SMARCA2: variants seen among roughly 807,000 people sequenced by gnomAD.
SMARCA2 encodes the protein SWI/SNF-related matrix-associated actin-dependent regulator of chromatin subfamily A member 2.
Under a neutral mutation model 199.8 loss-of-function variants are expected in SMARCA2, and 61 were observed. The observed-to-expected ratio is 0.31, with a 90% CI of 0.25 to 0.38. SMARCA2 has a LOEUF of 0.38. Ranked by LOEUF, SMARCA2 falls within the 10% of genes least tolerant of loss-of-function variation. The pLI is 1.00. For missense variants in SMARCA2, 1,344 were observed against 2,012.2 expected (o/e 0.67, Z 6.35); for synonymous variants, 935 against 732.0 (o/e 1.28, Z -4.48).
chr9:2,035,041 T>C (rs1394753762), intron 3 of SMARCA2, among the ~76,000 whole-genome samples: 1 of 150,746 alleles, frequency 6.6e-6, no homozygotes, highest in African/African-American at 2.4e-5. Flanking sequence ...TATTTATTTA[T>C]TTATTTATTT....
At chr9:2,191,463 G>A (rs1479788598) in intron 33 of SMARCA2, 55 bp downstream of exon 33, 6 of 1,593,954 alleles carry the variant, frequency 3.8e-6, no homozygotes, top group East Asian at 2.2e-5. Context: ...CTGCTTGCTG[G>A]CCTCTTGCAT....
intron 27 of SMARCA2, among the ~76,000 whole-genome samples, chr9:2,142,535 G>A (rs765324331): frequency 5.9e-5 from 9 of 152,056 alleles, no homozygotes; most frequent in Non-Finnish European, 1.3e-4. Flanking sequence ...TTCCATTTTG[G>A]TTTGGCCTGT....
intron 2 of SMARCA2, among the ~76,000 whole-genome samples, chr9:2,029,816 G>T (rs1450304921): frequency 1.3e-5 from 2 of 152,176 alleles, no homozygotes; most frequent in African/African-American, 4.8e-5. Context: ...GATTTTTGCA[G>T]AGCTCACGTC....
chr9:2,100,455 A>G (rs1343529919), intron 21 of SMARCA2, among the ~76,000 whole-genome samples: 1 of 152,172 alleles, frequency 6.6e-6, no homozygotes, highest in African/African-American at 2.4e-5. Context: ...TAAGCCTAGC[A>G]CTTTGGGAGG....
At chr9:2,152,187 G>T (rs1353724388) in intron 27 of SMARCA2, among the ~76,000 whole-genome samples, 1 of 152,208 alleles carries the variant, frequency 6.6e-6, no homozygotes, top group Non-Finnish European at 1.5e-5. Flanking sequence ...GATGGAGGCA[G>T]GTTTATGATG....
intron 4 of SMARCA2, chr9:2,040,952 A>T (rs1819579020): frequency 6.3e-6 from 1 of 159,774 alleles, no homozygotes; most frequent in South Asian, 2.0e-4. Context: ...ACTCTAATGA[A>T]AACTTTGGAT....
chr9:2,077,411 C>G (rs564689494), intron 13 of SMARCA2, among the ~76,000 whole-genome samples: 1 of 152,272 alleles, frequency 6.6e-6, no homozygotes, highest in Non-Finnish European at 1.5e-5. Flanking sequence ...CTCGGGTTCT[C>G]CACCTGCATA....
In SMARCA2 at chr9:2,169,015, A is replaced by G. The variant is rs1362153228; in HGVS notation, c.4200-1404A>G. 2.0e-5 allele frequency among the ~76,000 whole-genome samples: 3 copies of G among 152,196 alleles called. No homozygotes were observed. Among genetic ancestry groups the G allele is most frequent in the Non-Finnish European group, 2.9e-5 (2 of 68,034 alleles). Reference sequence around the variant, plus strand: ...TGCACATTCGGAGATGACATGGTCTACTTAAGCTTCTGTGTCTCCTTGGTC... The same window carrying G: ...TGCACATTCGGAGATGACATGGTCTGCTTAAGCTTCTGTGTCTCCTTGGTC... On this transcript the variant is annotated intron_variant, in intron 28 of 33. Transcript: ENST00000349721. This position sits in a 1 kb window ranked among gnomAD's most constrained non-coding sequence, Gnocchi z 6.5.
intron 21 of SMARCA2, among the ~76,000 whole-genome samples, chr9:2,098,385 C>A (rs1481708926): frequency 6.6e-6 from 1 of 152,030 alleles, no homozygotes; most frequent in Non-Finnish European, 1.5e-5. Flanking sequence ...CTTTTTTGTC[C>A]CTTATTTTTG....
chr9:2,155,974 C>A (rs532982879), intron 27 of SMARCA2, among the ~76,000 whole-genome samples: 1 of 152,016 alleles, frequency 6.6e-6, no homozygotes, highest in South Asian at 2.1e-4. Flanking sequence ...TTTATTGAAC[C>A]ACAGTCGGAG....
intron 4 of SMARCA2, chr9:2,044,820 G>A (rs1190700206): frequency 2.0e-5 from 3 of 152,194 alleles, no homozygotes; most frequent in Admixed American, 1.3e-4. Context: ...GTAAGTAGAT[G>A]TTTGAATCTC....
intron 27 of SMARCA2, among the ~76,000 whole-genome samples, chr9:2,152,983 C>G (rs1029098970): frequency 6.6e-6 from 1 of 152,020 alleles, no homozygotes; most frequent in Non-Finnish European, 1.5e-5. Context: ...GGTGAACTTA[C>G]CCACATAAAT....
At chr9:2,072,915 A>C (rs1213782601) in intron 10 of SMARCA2, among the ~76,000 whole-genome samples, 2 of 152,190 alleles carry the variant, frequency 1.3e-5, no homozygotes, top group Non-Finnish European at 2.9e-5. Context: ...GCACCGGTGC[A>C]CCTGTTGGTT....
chr9:2,058,554 A>G, intron 8 of SMARCA2, 90 bp downstream of exon 8: 1 of 1,100,982 alleles, frequency 9.1e-7, no homozygotes. Context: ...TAGAAGGAAA[A>G]AATGAAAACT....
rs3793501 is a variant in SMARCA2 at position 2,141,969 on chromosome 9, C to A, written c.3981+18032C>A. ...AGAATTGAAGACAGCCTCCTGGGGGCAGGTGATGAGACCTGCCCGTGAAGG... is the reference window on the plus strand; with the variant it reads ...AGAATTGAAGACAGCCTCCTGGGGGAAGGTGATGAGACCTGCCCGTGAAGG... On this transcript the variant is annotated intron_variant, in intron 27 of 33. Coordinates refer to ENST00000349721, the MANE Select transcript of SMARCA2 (RefSeq NM_003070.5). Among the ~76,000 whole-genome samples the A allele has an allele frequency of 4.2e-4, 64 of 152,058 alleles. No homozygotes were observed. The East Asian group carries it at 0.012, about 29-fold the overall frequency.
intron 27 of SMARCA2, chr9:2,158,775 T>C (rs564706631): frequency 1.3e-5 from 6 of 479,014 alleles, no homozygotes; most frequent in Non-Finnish European, 2.2e-5. Flanking sequence ...TTTACTTACA[T>C]GCAGGAGTAA....
chr9:2,137,990 A>G (rs1010751264), intron 27 of SMARCA2, among the ~76,000 whole-genome samples: 1 of 152,220 alleles, frequency 6.6e-6, no homozygotes, highest in Non-Finnish European at 1.5e-5. Flanking sequence ...TTTTGATGTA[A>G]CAGTGCTTTT....
rs759780647 is a variant in SMARCA2 at position 2,096,701 on chromosome 9, T to A, written c.2928T>A (p.Ile976=). 1 of 1,614,032 alleles carries A rather than the reference T, an allele frequency of 6.2e-7. No homozygotes were observed. Among genetic ancestry groups the A allele is most frequent in the Non-Finnish European group, 8.5e-7 (1 of 1,179,858 alleles). The change falls in exon 20 of 34, where the codon ATT becomes ATA. Residue 976 remains isoleucine (I), a synonymous_variant. Transcript: ENST00000349721. ...IKCDMSALQK[I]LYRHMQAKGI... ...GTGACATGTCAGCTCTGCAGAAGAT[T>A]CTGTATCGCCATATGCAAGCCAAGG...
At chr9:2,059,564 C>T (rs141206842) in intron 8 of SMARCA2, among the ~76,000 whole-genome samples, 102 of 152,276 alleles carry the variant, frequency 6.7e-4, no homozygotes, top group African/African-American at 2.2e-3. Flanking sequence ...ATTGGTTTGA[C>T]ACTAATGATT....
Sources: allele counts gnomAD v4.1 joint callset (sites outside exome capture counted in the v4.1 genomes callset), GRCh38; gene constraint gnomAD v4.1.1; non-coding constraint Gnocchi (gnomAD v3.1); transcripts MANE v1.5; gene names NCBI Gene and HGNC (gene_info 2026-07-23, HGNC 2026-07-21).